RANBP17: variants seen among roughly 807,000 people sequenced by gnomAD.
The protein encoded by RANBP17 is RAN binding protein 17.
A neutral mutation model predicts 141.2 loss-of-function variants in RANBP17; 158 were observed. The observed-to-expected ratio is 1.12, with a 90% confidence interval of 0.98 to 1.28. RANBP17 has a LOEUF of 1.28. Ranked by LOEUF, RANBP17 falls within the 50% of genes most tolerant of loss-of-function variation. The pLI is 0.00. For missense variants in RANBP17, 1,438 were observed against 1,290.7 expected (o/e 1.11, Z -1.75); for synonymous variants, 430 against 450.0 (o/e 0.96, Z 0.56).
At chr5:171,210,616 G>C (rs746249866) in intron 20 of RANBP17, among the ~76,000 whole-genome samples, 2 of 152,098 alleles carry the variant, frequency 1.3e-5, no homozygotes, top group Non-Finnish European at 2.9e-5. Context: ...TTTCTCACCT[G>C]TACCCCTGTG....
intron 1 of RANBP17, among the ~76,000 whole-genome samples, chr5:170,872,193 C>T (rs116612989): frequency 0.025 from 3,739 of 152,152 alleles, 136 homozygotes; most frequent in African/African-American, 0.085. Context: ...CTCATTTCCT[C>T]GAGCAGTGGT....
intron 1 of RANBP17, among the ~76,000 whole-genome samples, chr5:170,865,155 C>T (rs887036306): frequency 1.3e-5 from 2 of 152,054 alleles, no homozygotes; most frequent in Non-Finnish European, 2.9e-5. Flanking sequence ...CTCTGCCTCC[C>T]GGGTTCCAGT....
At chr5:170,872,870 C>T (rs894079519) in intron 1 of RANBP17, among the ~76,000 whole-genome samples, 4 of 152,080 alleles carry the variant, frequency 2.6e-5, no homozygotes, top group African/African-American at 9.7e-5. Context: ...CTTTGCATCC[C>T]AGGGATGAAG....
chr5:170,888,156 A>C (rs1769307860), intron 3 of RANBP17, among the ~76,000 whole-genome samples: 1 of 152,158 alleles, frequency 6.6e-6, no homozygotes, highest in Admixed American at 6.5e-5. Flanking sequence ...TGTGTTGGCT[A>C]TTTTGGTATT....
chr5:171,122,978 AATGCAGTCCTCTGCACCAT>A (rs1561677274), intron 14 of RANBP17, among the ~76,000 whole-genome samples: 1 of 152,136 alleles, frequency 6.6e-6, no homozygotes, highest in African/African-American at 2.4e-5. Context: ...AACTCTAGCT[AATGCAGTCCTCTGCACCAT>A]ATGAAACAGG....
chr5:170,899,256 C>T (rs1359848753), intron 5 of RANBP17, among the ~76,000 whole-genome samples: 1 of 152,018 alleles, frequency 6.6e-6, no homozygotes, highest in Non-Finnish European at 1.5e-5. Context: ...AATTGGATTC[C>T]TAGGTATTTT....
intron 14 of RANBP17, among the ~76,000 whole-genome samples, chr5:171,110,706 G>A (rs535344467): frequency 2.6e-5 from 4 of 152,220 alleles, no homozygotes; most frequent in African/African-American, 9.6e-5. Flanking sequence ...TACTAGGTTA[G>A]ATATAGAGTA....
At chr5:171,125,814 G>A (rs1266741922) in intron 14 of RANBP17, among the ~76,000 whole-genome samples, 3 of 148,738 alleles carry the variant, frequency 2.0e-5, no homozygotes, top group Admixed American at 2.0e-4. Flanking sequence ...TTTTTGAGAC[G>A]GAGTCTTGCT....
chr5:170,882,546 A>G (rs1416585165), intron 3 of RANBP17, among the ~76,000 whole-genome samples: 2 of 152,330 alleles, frequency 1.3e-5, no homozygotes, highest in East Asian at 3.9e-4. Context: ...CCGAGATCAC[A>G]CAACTAGAAA....
intron 21 of RANBP17, 30 bp from the exon 22 acceptor site, chr5:171,221,728 A>G (rs745595307): frequency 7.3e-7 from 1 of 1,363,418 alleles, no homozygotes; most frequent in South Asian, 1.2e-5. Context: ...TTATCTTCAC[A>G]TATAGGCAAT....
intron 14 of RANBP17, among the ~76,000 whole-genome samples, chr5:171,129,756 T>A (rs1259634093): frequency 6.6e-6 from 1 of 152,196 alleles, no homozygotes; most frequent in Non-Finnish European, 1.5e-5. Flanking sequence ...TTACCATGCA[T>A]AGTTATCATA....
intron 14 of RANBP17, among the ~76,000 whole-genome samples, chr5:171,062,195 T>C (rs1458472171): frequency 1.3e-5 from 2 of 152,094 alleles, no homozygotes; most frequent in Non-Finnish European, 2.9e-5. Flanking sequence ...AATTTGATCC[T>C]GTCATTATGA....
At chr5:171,066,290 A>G (rs1784308731) in intron 14 of RANBP17, among the ~76,000 whole-genome samples, 1 of 152,170 alleles carries the variant, frequency 6.6e-6, no homozygotes, top group African/African-American at 2.4e-5. Context: ...TCCCACTGGA[A>G]TTTTGTATCC....
intron 14 of RANBP17, among the ~76,000 whole-genome samples, chr5:171,151,673 AG>A (rs984323566): frequency 6.6e-6 from 1 of 152,234 alleles, no homozygotes; most frequent in Non-Finnish European, 1.5e-5. Context: ...GTTATGAACT[AG>A]GTGAGCCATT....
intron 12 of RANBP17, among the ~76,000 whole-genome samples, chr5:170,934,191 T>C (rs1773659668): frequency 6.6e-6 from 1 of 152,190 alleles, no homozygotes; most frequent in East Asian, 1.9e-4. Flanking sequence ...TCTCTTTTGA[T>C]CTTTGTTGGT....
At chr5:170,963,843 A>G (rs955137919) in intron 13 of RANBP17, among the ~76,000 whole-genome samples, 3 of 152,210 alleles carry the variant, frequency 2.0e-5, no homozygotes, top group Non-Finnish European at 2.9e-5. Flanking sequence ...ATGAAACACA[A>G]AATTGTTTAC....
At chr5:170,950,014 A>C (rs1775080960) in intron 12 of RANBP17, among the ~76,000 whole-genome samples, 1 of 152,102 alleles carries the variant, frequency 6.6e-6, no homozygotes, top group Non-Finnish European at 1.5e-5. Flanking sequence ...CCTCTTTAAT[A>C]AAATGGTGCT....
intron 4 of RANBP17, among the ~76,000 whole-genome samples, 165 bp from the exon 5 acceptor site, chr5:170,895,885 G>T: frequency 6.6e-6 from 1 of 152,212 alleles, no homozygotes; most frequent in East Asian, 1.9e-4. Context: ...TTTGTTTATA[G>T]AACTCATAGC....
intron 14 of RANBP17, among the ~76,000 whole-genome samples, chr5:171,082,305 T>C (rs543745644): frequency 2.8e-4 from 43 of 152,294 alleles, no homozygotes; most frequent in Non-Finnish European, 2.1e-4. Flanking sequence ...TCAGCCATTT[T>C]CTTGTGTTTC....
Sources: gnomAD v4.1 joint callset for allele counts (sites outside exome capture counted in the v4.1 genomes callset) on GRCh38, gnomAD v4.1.1 for gene constraint, MANE v1.5 for transcripts, NCBI Gene and HGNC (gene_info 2026-07-23, HGNC 2026-07-21) for gene names.